Variants in CFAP46 observed in about 807,000 individuals in gnomAD.
The protein encoded by CFAP46 is cilia and flagella associated protein 46, also known as cilia- and flagella-associated protein 46.
In CFAP46, 245 loss-of-function variants were observed where a neutral mutation model predicts 325.7. The ratio of observed to expected loss-of-function variants is 0.75; its 90% confidence interval spans 0.68 to 0.84. CFAP46 has a LOEUF of 0.84. CFAP46 is among the 40% of genes least tolerant of loss of function. The probability of loss-of-function intolerance (pLI) is 0.00; values close to 1 mark genes in which losing one functional copy is unlikely to be tolerated. For synonymous variants in CFAP46, 1,523 were observed against 1,495.9 expected, an observed-to-expected ratio of 1.02 and a Z score of -0.42; for missense variants, 3,346 against 3,543.0, an observed-to-expected ratio of 0.94 and a Z score of 1.41.
rs540556301 is a variant in CFAP46, at chr10:132,857,608, G to A, written c.5556C>T (p.Gly1852=). ...EEEGRLHSVQ[G]LLSLQDLQNV... ...TGCTTACGTCTTGAAGTGACAATAG[G>A]CCCTGGACGCTGTGAAGCCTCCCTT... The change falls in exon 39 of 58, where the codon GGC becomes GGT. Residue 1852 remains glycine (G), a synonymous_variant. Coordinates refer to ENST00000368586, the MANE Select transcript of CFAP46 (RefSeq NM_001200049.3). 9.9e-5 allele frequency: 159 copies of A among 1,613,888 alleles called. No individual in the cohort carries two copies. The highest frequency in any genetic ancestry group is 1.3e-4 in the Non-Finnish European group (154 of 1,180,006).
intron 8 of CFAP46, 129 bp from the exon 9 acceptor site, chr10:132,929,933 T>C (rs1321619214): frequency 2.9e-6 from 2 of 697,840 alleles, no homozygotes; most frequent in East Asian, 2.7e-5. Context: ...TAAATAAAAT[T>C]AAGTTAATTA....
At position 132,877,085 on chromosome 10, in the gene CFAP46, C is replaced by A. The variant is rs1449950641; in HGVS notation, c.4213-124G>T. 1 of 903,654 alleles carries A rather than the reference C, an allele frequency of 1.1e-6. No homozygotes were observed. The highest frequency in any genetic ancestry group is 1.7e-5 in the African/African-American group (1 of 59,220). 56.0% of individuals were successfully genotyped at this position (903,654 alleles called of 1,614,324 possible). ...CCCTGGGCAGCCGGCATCCTCCCCACCACCAGGTCCCAGCGAGTGCCCAGA... is the reference window on the plus strand; with the variant it reads ...CCCTGGGCAGCCGGCATCCTCCCCAACACCAGGTCCCAGCGAGTGCCCAGA... On this transcript the variant is annotated intron_variant, in intron 30 of 57. Transcript: ENST00000368586. The surrounding 1 kb of genome is among the most constrained non-coding windows in gnomAD (Gnocchi z 5.7).
At chr10:132,849,745 G>T (rs1482587322) in intron 41 of CFAP46, among the ~76,000 whole-genome samples, 1 of 152,192 alleles carries the variant, frequency 6.6e-6, no homozygotes, top group Admixed American at 6.5e-5. Context: ...TGGGCTGTAG[G>T]GGGTGGGGGA....
At chr10:132,913,359 A>G (rs2135555325) in intron 17 of CFAP46, 101 bp from the exon 18 acceptor site, 2 of 531,074 alleles carry the variant, frequency 3.8e-6, no homozygotes, top group Non-Finnish European at 3.3e-6. Context: ...GCTGCAGGGC[A>G]AGAAGTGGGA....
rs1426436781 is a variant in CFAP46 at position 132,941,643 on chromosome 10, C to G, written c.254G>C (p.Arg85Pro). ...CATCTGGGCCCTGCACAGGTGCGCT[C>G]GGCCCAGAAACTGGGTGATGGGCGC... The part of the protein sequence containing the change: ...VKAPITQFLG[R>P]AHLCRAQMCA... Residue 85 changes from arginine to proline, a missense_variant, in exon 3 of 58, where the codon CGA (arginine) becomes CCA (proline). Transcript: ENST00000368586. 6.2e-7 allele frequency: 1 copy of G among 1,613,874 alleles called. No individual in the cohort carries two copies. The highest frequency in any genetic ancestry group is 1.3e-5 in the African/African-American group (1 of 74,932).
intron 24 of CFAP46, among the ~76,000 whole-genome samples, chr10:132,896,248 CTG>C (rs1849319224): frequency 6.7e-6 from 1 of 148,878 alleles, no homozygotes; most frequent in African/African-American, 2.5e-5. Context: ...GGCAGCCAGG[CTG>C]TGTGTGCCAC....
intron 44 of CFAP46, among the ~76,000 whole-genome samples, chr10:132,841,885 C>T (rs905825089): frequency 6.6e-6 from 1 of 152,222 alleles, no homozygotes; most frequent in Non-Finnish European, 1.5e-5. Context: ...ATTCTGCCCT[C>T]CATGGCCTCC....
intron 22 of CFAP46, among the ~76,000 whole-genome samples, chr10:132,900,883 C>T (rs1341822275): frequency 6.6e-6 from 1 of 152,250 alleles, no homozygotes; most frequent in Non-Finnish European, 1.5e-5. Context: ...CAGCTAGAAT[C>T]GTAGACGTAT....
Position 132,857,788 on chromosome 10 carries a change from C to A in CFAP46, c.5376G>T (p.Arg1792Ser), listed in dbSNP as rs1358970583. The change falls in exon 39 of 58, where the codon AGG becomes AGT. Residue 1792 changes from arginine to serine, a missense_variant and splice_region_variant. Arg to Ser is a moderately radical substitution (Grantham distance 110). Coordinates refer to ENST00000368586, the MANE Select transcript of CFAP46 (RefSeq NM_001200049.3). ...DVKLERAKIK[R>S]LRAQNEKDEE... ...CATCTTTCTCGTTCTGGGCACGTAA[C>A]CTTTATAAGACATAAGAATGGAATT... 2 of 1,523,796 alleles carry A rather than the reference C, an allele frequency of 1.3e-6. No homozygotes were observed. Among genetic ancestry groups the A allele is most frequent in the Admixed American group, 4.7e-5 (2 of 42,276 alleles). 94.4% of individuals were successfully genotyped at this position (1,523,796 alleles called of 1,614,324 possible).
intron 28 of CFAP46, among the ~76,000 whole-genome samples, chr10:132,879,951 G>A (rs1849014001): frequency 1.3e-5 from 2 of 150,912 alleles, no homozygotes; most frequent in Admixed American, 6.6e-5. Context: ...TGGGCACCCC[G>A]TTCCTGTCCC....
intron 22 of CFAP46, among the ~76,000 whole-genome samples, chr10:132,907,780 A>G (rs1031340494): frequency 6.6e-6 from 1 of 152,086 alleles, no homozygotes; most frequent in African/African-American, 2.4e-5. Context: ...ATGGGGATGG[A>G]GCCCTCACAA....
chr10:132,922,503 T>C lies in CFAP46; in HGVS notation c.1462A>G (p.Lys488Glu). ...LYQAPERAED[K>E]AIMAVEQAKK... is the part of the protein sequence containing the mutation. ...ACCTGCTCAACGGCCATGATGGCCT[T>C]GTCCTCTGCGCGCTCAGGGGCCTGG... Residue 488 changes from lysine (K) to glutamate (E), a missense_variant, in exon 12 of 58, where the codon AAG becomes GAG. By Grantham distance (56) the Lys-to-Glu change is moderately conservative. Coordinates refer to ENST00000368586, the MANE Select transcript of CFAP46 (RefSeq NM_001200049.3). 1.3e-6 allele frequency: 2 copies of C among 1,543,486 alleles called. No individual in the cohort carries two copies. Among genetic ancestry groups the C allele is most frequent in the Non-Finnish European group, 1.7e-6 (2 of 1,144,320 alleles).
intron 27 of CFAP46, 37 bp from the exon 28 acceptor site, chr10:132,881,069 T>C (rs921945686): frequency 6.5e-7 from 1 of 1,542,424 alleles, no homozygotes; most frequent in Non-Finnish European, 8.8e-7. Context: ...ATCCTCAGGA[T>C]GGCCCTGAAG....
chr10:132,941,302 C>G (rs550519495), intron 3 of CFAP46, among the ~76,000 whole-genome samples: 2 of 152,330 alleles, frequency 1.3e-5, no homozygotes, highest in Admixed American at 1.3e-4. Flanking sequence ...TGCTCCAGCA[C>G]GCCCGCCCCA....
At position 132,833,403 on chromosome 10, in the gene CFAP46, A is replaced by G; in HGVS notation, c.7072T>C (p.Phe2358Leu). ...EGTISSVSRE[F>L]SLQMLWNRLH... The stretch of plus-strand genomic sequence containing the variant: ...CGATTCCACAGCATTTGAAGAGAAA[A>G]TTCTCGTGACACAGAGGAAATTGTC... Residue 2358 changes from phenylalanine (F) to leucine (L), a missense_variant, in exon 50 of 58, where the codon TTT becomes CTT. Transcript: ENST00000368586. 6.2e-7 allele frequency: 1 copy of G among 1,614,114 alleles called. No homozygotes were observed. Among genetic ancestry groups the G allele is most frequent in the Non-Finnish European group, 8.5e-7 (1 of 1,180,026 alleles).
At position 132,850,399 on chromosome 10, in the gene CFAP46, C is replaced by T. The variant is rs770867578; in HGVS notation, c.5797G>A (p.Gly1933Arg). 93 of 1,580,234 alleles carry T rather than the reference C, an allele frequency of 5.9e-5. No individual in the cohort carries two copies. The highest frequency in any genetic ancestry group is 7.4e-5 in the Non-Finnish European group (86 of 1,162,742). Residue 1933 changes from glycine (G) to arginine (R), a missense_variant, in exon 41 of 58, where the codon GGG (glycine) becomes AGG (arginine). Transcript: ENST00000368586. ...WFTLKRTLAH[G>R]ALAQLGSLQP... ...AGGCTCCCCAGCTGTGCCAGTGCCC[C>T]GTGTGCTAGAGTCCGCTTCAGCGTG...
At chr10:132,903,830 C>G (rs980141877) in intron 22 of CFAP46, among the ~76,000 whole-genome samples, 2 of 152,002 alleles carry the variant, frequency 1.3e-5, no homozygotes, top group African/African-American at 4.8e-5. Flanking sequence ...AAATGTTGAG[C>G]TGAGTTGGAA....
chr10:132,851,083 C>A, intron 40 of CFAP46, 34 bp downstream of exon 40: 8 of 1,611,618 alleles, frequency 5.0e-6, no homozygotes, highest in Non-Finnish European at 6.8e-6. Context: ...GCCTGGCGCT[C>A]CCTCCACCGG....
chr10:132,821,260 C>T (rs61728674), intron 50 of CFAP46, among the ~76,000 whole-genome samples: 103 of 74,706 alleles, frequency 1.4e-3, no homozygotes, highest in South Asian at 4.3e-3. Flanking sequence ...GCTGTGTGAG[C>T]GCTGATGTGT....
Sources: gnomAD v4.1 joint callset for allele counts (sites outside exome capture counted in the v4.1 genomes callset) on GRCh38, gnomAD v4.1.1 for gene constraint, Gnocchi (gnomAD v3.1) non-coding constraint, MANE v1.5 for transcripts, NCBI Gene and HGNC (gene_info 2026-07-23, HGNC 2026-07-21) for gene names.